The following SDCBP variants were observed in gnomAD, a reference collection of about 807,000 sequenced individuals.
SDCBP encodes the protein syndecan binding protein.
SDCBP carries 22 observed loss-of-function variants against 30.5 expected under a neutral mutation model. The ratio of observed to expected loss-of-function variants is 0.72; its 90% CI spans 0.52 to 1.03. SDCBP has a LOEUF of 1.03. Ranked by LOEUF, SDCBP falls within the 50% of genes least tolerant of loss-of-function variation. The pLI is 0.00. For missense variants in SDCBP, 304 were observed against 369.9 expected (o/e 0.82, Z 1.46); for synonymous variants, 103 against 118.7 (o/e 0.87, Z 0.86).
At chr8:58,574,885 A>G (rs957024185) in intron 4 of SDCBP, among the ~76,000 whole-genome samples, 2 of 152,146 alleles carry the variant, frequency 1.3e-5, no homozygotes, top group Non-Finnish European at 2.9e-5. Context: ...AACACTTAAG[A>G]TGTACTCTTA....
chr8:58,554,629 G>GCTAA (rs1803998590), intron 1 of SDCBP, among the ~76,000 whole-genome samples: 1 of 152,134 alleles, frequency 6.6e-6, no homozygotes, highest in Non-Finnish European at 1.5e-5. Flanking sequence ...AACAAAAGGG[G>GCTAA]AAGAATTTGC....
intron 1 of SDCBP, among the ~76,000 whole-genome samples, chr8:58,562,629 A>G (rs926451948): frequency 1.3e-5 from 2 of 152,196 alleles, no homozygotes; most frequent in African/African-American, 4.8e-5. Context: ...GGGTTTCCAC[A>G]TGGATAATAA....
At chr8:58,581,281 A>C (rs1805668554) in intron 8 of SDCBP, among the ~76,000 whole-genome samples, 1 of 152,172 alleles carries the variant, frequency 6.6e-6, no homozygotes, top group Admixed American at 6.5e-5. Flanking sequence ...TTCTGGATAG[A>C]ATGCACCTAG....
intron 1 of SDCBP, among the ~76,000 whole-genome samples, chr8:58,554,579 T>G (rs962490637): frequency 6.6e-6 from 1 of 152,214 alleles, no homozygotes; most frequent in African/African-American, 2.4e-5. Flanking sequence ...CTTTTAGTTT[T>G]GGGCATTATA....
chr8:58,570,258 G>A (rs1804941027), intron 2 of SDCBP, among the ~76,000 whole-genome samples: 1 of 152,204 alleles, frequency 6.6e-6, no homozygotes, highest in African/African-American at 2.4e-5. Context: ...GAGTGTCAGA[G>A]TGTGTCAGAG....
At chr8:58,563,908 C>G (rs954172927) in intron 1 of SDCBP, among the ~76,000 whole-genome samples, 3 of 152,134 alleles carry the variant, frequency 2.0e-5, no homozygotes, top group African/African-American at 7.2e-5. Flanking sequence ...GCAGAAGCCA[C>G]GTGAAGGGGT....
At chr8:58,564,697 T>G (rs1397217907) in intron 1 of SDCBP, among the ~76,000 whole-genome samples, 3 of 152,214 alleles carry the variant, frequency 2.0e-5, no homozygotes, top group African/African-American at 4.8e-5. Flanking sequence ...CAAGTACTTG[T>G]GTAAGTTAGG....
At chr8:58,562,925 A>G (rs1804514271) in intron 1 of SDCBP, among the ~76,000 whole-genome samples, 1 of 152,208 alleles carries the variant, frequency 6.6e-6, no homozygotes, top group Non-Finnish European at 1.5e-5. Context: ...TGTAAATCAT[A>G]TATGATAGTG....
intron 1 of SDCBP, chr8:58,561,252 T>A (rs1425361171): frequency 6.6e-6 from 1 of 152,302 alleles, no homozygotes; most frequent in Non-Finnish European, 1.5e-5. Context: ...ATCAATTTTA[T>A]CAATGTAGAT....
intron 1 of SDCBP, among the ~76,000 whole-genome samples, chr8:58,558,840 C>T (rs1026426260): frequency 6.6e-6 from 1 of 152,124 alleles, no homozygotes; most frequent in African/African-American, 2.4e-5. Context: ...GAAGAGAATG[C>T]ACCTTTTACA....
Position 58,569,055 on chromosome 8 carries a change from TC to T in SDCBP, c.52-1827del, listed in dbSNP as rs767225785. ...CTAGTTTAAAAAGAAAATTTTTTTT[TC>T]CCCCAAAACGGAGTCTGGCTCTGTC... On this transcript the variant is annotated intron_variant, in intron 2 of 8. Coordinates refer to ENST00000260130, the MANE Select transcript of SDCBP (RefSeq NM_005625.4). 1.1e-3 allele frequency among the ~76,000 whole-genome samples: 172 copies of T among 152,000 alleles called. 3 individuals are homozygous for T. Among genetic ancestry groups the T allele is most frequent in the Non-Finnish European group, 5.0e-4 (34 of 67,960 alleles).
chr8:58,571,777 T>G (rs1805042422), intron 3 of SDCBP, among the ~76,000 whole-genome samples: 1 of 152,194 alleles, frequency 6.6e-6, no homozygotes, highest in East Asian at 1.9e-4. Flanking sequence ...TAAGAATCAT[T>G]CCATATCCCT....
chr8:58,554,399 T>G (rs1454251235), intron 1 of SDCBP, among the ~76,000 whole-genome samples: 1 of 152,224 alleles, frequency 6.6e-6, no homozygotes, highest in Non-Finnish European at 1.5e-5. Flanking sequence ...ATACGTCCTT[T>G]TGTCTTCTGT....
chr8:58,562,897 C>T (rs752755514), intron 1 of SDCBP, among the ~76,000 whole-genome samples: 2 of 152,026 alleles, frequency 1.3e-5, no homozygotes, highest in Non-Finnish European at 2.9e-5. Context: ...AGACAATCTA[C>T]AGAATAAGAA....
intron 2 of SDCBP, 62 bp from the exon 3 acceptor site, chr8:58,570,825 A>AT (rs1804971701): frequency 1.8e-6 from 2 of 1,128,898 alleles, no homozygotes; most frequent in Admixed American, 3.7e-5. Flanking sequence ...TAGCTTATAA[A>AT]TTATATAAGA....
intron 2 of SDCBP, among the ~76,000 whole-genome samples, chr8:58,566,263 G>A (rs1804704238): frequency 6.6e-6 from 1 of 152,130 alleles, no homozygotes; most frequent in South Asian, 2.1e-4. Flanking sequence ...CCATTAATAT[G>A]ACATCAATAC....
chr8:58,567,206 T>C (rs554245724), intron 2 of SDCBP, among the ~76,000 whole-genome samples: 2 of 152,318 alleles, frequency 1.3e-5, no homozygotes, highest in Admixed American at 6.5e-5. Flanking sequence ...GTACTTAAAA[T>C]TGGGTTACAT....
rs72647439 is a variant in SDCBP at position 58,565,142 on chromosome 8, A to G, written c.51+58A>G. The G allele has an allele frequency of 1.2e-3, 983 of 853,048 alleles. 2 individuals are homozygous for G. The highest frequency in any genetic ancestry group is 2.4e-3 in the Admixed American group (93 of 38,868). The allele number at this position is 853,048 out of a possible 1,614,324, so 52.8% of individuals were successfully genotyped here. A position where few individuals can be genotyped will look rare whatever the true frequency, so the allele number is the denominator to read the frequency against. ...ACACAGTAACATGCATTCTACTTAT[A>G]GGTGAAATAAAGCAAGATAGCTAAA... On this transcript the variant is annotated intron_variant, in intron 2 of 8. Transcript: ENST00000260130.
intron 1 of SDCBP, among the ~76,000 whole-genome samples, chr8:58,562,570 C>T (rs1028265896): frequency 5.9e-5 from 9 of 151,798 alleles, no homozygotes; most frequent in African/African-American, 1.9e-4. Context: ...AATAACGATG[C>T]GAAGACAATT....
Sources: allele counts gnomAD v4.1 joint callset (sites outside exome capture counted in the v4.1 genomes callset), GRCh38; gene constraint gnomAD v4.1.1; transcripts MANE v1.5; gene names NCBI Gene and HGNC (gene_info 2026-07-23, HGNC 2026-07-21).